RANBP2: variants seen among roughly 807,000 people sequenced by gnomAD.
RANBP2 encodes E3 SUMO-protein ligase RanBP2.
RANBP2 carries 57 observed loss-of-function variants against 303.6 expected under a neutral mutation model. The ratio of observed to expected loss-of-function variants is 0.19; its 90% CI spans 0.15 to 0.23. The LOEUF (loss-of-function observed/expected upper bound fraction) is 0.23, where lower values mean the gene tolerates loss of function less well. Ranked by LOEUF, RANBP2 falls within the 10% of genes least tolerant of loss-of-function variation. The probability of loss-of-function intolerance (pLI) is 1.00; values close to 1 mark genes in which losing one functional copy is unlikely to be tolerated. For missense variants in RANBP2, 3,138 were observed against 3,780.8 expected (o/e 0.83, Z 4.46); for synonymous variants, 1,167 against 1,301.5 (o/e 0.90, Z 2.23).
At chr2:109,683,600 G>A in the RANBP2 span, among the ~76,000 whole-genome samples, 1 of 152,066 alleles carries the variant, frequency 6.6e-6, no homozygotes, top group African/African-American at 2.4e-5. Flanking sequence ...GGCTTCTCTG[G>A]TCAGTGACCA....
the RANBP2 span, among the ~76,000 whole-genome samples, chr2:108,990,484 A>T: frequency 2.0e-5 from 3 of 149,598 alleles, no homozygotes; most frequent in Admixed American, 1.3e-4. Context: ...CGGTGGTGGC[A>T]TGTGTGGAGG....
the RANBP2 span, chr2:109,615,822 G>T: frequency 6.2e-7 from 1 of 1,614,134 alleles, no homozygotes; most frequent in Non-Finnish European, 8.5e-7. Flanking sequence ...TCACCACTCG[G>T]CTGAGGGGTG....
the RANBP2 span, among the ~76,000 whole-genome samples, chr2:109,717,583 A>AAAAAAC: frequency 6.7e-6 from 1 of 148,966 alleles, no homozygotes; most frequent in Non-Finnish European, 1.5e-5. Flanking sequence ...ACTCCATCTC[A>AAAAAAC]AAAAACAAAA....
chr2:109,188,405 G>A, the RANBP2 span, among the ~76,000 whole-genome samples: 1 of 152,224 alleles, frequency 6.6e-6, no homozygotes, highest in Non-Finnish European at 1.5e-5. Context: ...GCTCAGCGGG[G>A]TCTGGGACCC....
the RANBP2 span, among the ~76,000 whole-genome samples, chr2:109,014,853 G>A: frequency 2.0e-5 from 3 of 152,182 alleles, no homozygotes; most frequent in Non-Finnish European, 2.9e-5. Context: ...TGGGCGCGGT[G>A]GCTCACGCCT....
chr2:109,442,713 A>G, the RANBP2 span, among the ~76,000 whole-genome samples: 1 of 152,226 alleles, frequency 6.6e-6, no homozygotes. Context: ...TATGAAACAA[A>G]AAGTTACAGC....
the RANBP2 span, among the ~76,000 whole-genome samples, chr2:109,747,501 C>G: frequency 6.7e-6 from 1 of 148,226 alleles, no homozygotes. Flanking sequence ...CGCCTGTAAT[C>G]CCAGCACTTT....
the RANBP2 span, among the ~76,000 whole-genome samples, chr2:109,485,939 C>T: frequency 2.0e-5 from 3 of 152,274 alleles, no homozygotes; most frequent in Non-Finnish European, 4.4e-5. Context: ...TGGCTTCTCA[C>T]CTTCTGTCTG....
the RANBP2 span, chr2:108,798,641 T>TTCTGGGAGGCAGAGGTGGGCGGA: frequency 7.3e-7 from 1 of 1,375,840 alleles, no homozygotes; most frequent in South Asian, 1.3e-5. Context: ...TCTTCTTAGA[T>TTCTGGGAGGCAGAGGTGGGCGGA]TCACTAGTTA....
the RANBP2 span, among the ~76,000 whole-genome samples, chr2:108,945,437 A>G: frequency 6.6e-6 from 1 of 152,208 alleles, no homozygotes; most frequent in Non-Finnish European, 1.5e-5. Context: ...AACCTGTTTT[A>G]AAGCCTTGAG....
the RANBP2 span, among the ~76,000 whole-genome samples, chr2:109,278,915 C>T: frequency 7.2e-5 from 11 of 152,166 alleles, no homozygotes; most frequent in South Asian, 2.1e-4. Context: ...GGCAGTAGTA[C>T]ACCCGAGGCT....
the RANBP2 span, among the ~76,000 whole-genome samples, chr2:109,074,144 A>C: frequency 6.6e-6 from 1 of 150,898 alleles, no homozygotes; most frequent in Non-Finnish European, 1.5e-5. Flanking sequence ...AGACGAGCAG[A>C]TCACTTGAGG....
chr2:108,978,064 C>G, the RANBP2 span, among the ~76,000 whole-genome samples: 1 of 152,200 alleles, frequency 6.6e-6, no homozygotes, highest in African/African-American at 2.4e-5. Context: ...CTTCTCCCGA[C>G]AAATGGCACT....
chr2:109,093,611 A>G, the RANBP2 span, among the ~76,000 whole-genome samples: 2 of 116,816 alleles, frequency 1.7e-5, no homozygotes, highest in African/African-American at 5.5e-5. Context: ...TGGTAATAAG[A>G]GATTTAAAAA....
chr2:109,085,461 G>A, the RANBP2 span, among the ~76,000 whole-genome samples: 5 of 151,416 alleles, frequency 3.3e-5, no homozygotes, highest in African/African-American at 9.7e-5. Context: ...CCGCCACCAC[G>A]CCTCGCTAAT....
the RANBP2 span, among the ~76,000 whole-genome samples, chr2:109,620,200 T>A: frequency 6.6e-6 from 1 of 152,240 alleles, no homozygotes; most frequent in Non-Finnish European, 1.5e-5. Flanking sequence ...TATTTTATAA[T>A]GTTACATAAT....
chr2:109,413,039 G>A, the RANBP2 span, among the ~76,000 whole-genome samples: 15 of 152,186 alleles, frequency 9.9e-5, no homozygotes, highest in Admixed American at 2.0e-4. Context: ...AGGAGTGCAG[G>A]TTTTTCGTAT....
the RANBP2 span, among the ~76,000 whole-genome samples, chr2:109,677,097 C>A: frequency 1.2e-4 from 18 of 152,222 alleles, no homozygotes; most frequent in African/African-American, 3.4e-4. Context: ...TTGGCTGGAG[C>A]CCTCTCATCA....
chr2:109,106,894 C>T, the RANBP2 span, among the ~76,000 whole-genome samples: 1 of 150,898 alleles, frequency 6.6e-6, no homozygotes, highest in African/African-American at 2.4e-5. Flanking sequence ...GTTTTTTCCA[C>T]ACTGCTCCTG....
Sources: gnomAD v4.1 joint callset for allele counts (sites outside exome capture counted in the v4.1 genomes callset) on GRCh38, gnomAD v4.1.1 for gene constraint, MANE v1.5 for transcripts, NCBI Gene and HGNC (gene_info 2026-07-23, HGNC 2026-07-21) for gene names.